Variants in EPB41L4B observed in about 807,000 individuals in gnomAD.
The protein encoded by EPB41L4B is band 4.1-like protein 4B.
A neutral mutation model predicts 112.5 loss-of-function variants in EPB41L4B; 30 were observed. The observed-to-expected ratio is 0.27, with a 90% CI of 0.20 to 0.36. The LOEUF (loss-of-function observed/expected upper bound fraction) is 0.36. Ranked by LOEUF, EPB41L4B falls within the 10% of genes least tolerant of loss-of-function variation. The pLI is 1.00. For synonymous variants in EPB41L4B, 408 were observed against 439.7 expected, an observed-to-expected ratio of 0.93 and a Z score of 0.90; for missense variants, 1,024 against 1,133.3, an observed-to-expected ratio of 0.90 and a Z score of 1.38.
intron 1 of EPB41L4B, among the ~76,000 whole-genome samples, chr9:109,296,124 C>G (rs10979811): frequency 4.6e-5 from 7 of 152,152 alleles, no homozygotes; most frequent in African/African-American, 1.7e-4. Flanking sequence ...AACAAATTCC[C>G]AGGAAATCTA....
At position 109,185,513 on chromosome 9, in the gene EPB41L4B, C is replaced by A; in HGVS notation, c.2394G>T (p.Met798Ile). ...CCAGCCTCGTTTTGATTGGAGGGTA[C>A]ATGCAAACTCCAGTGGTCTCTTCCT... Reference protein sequence around the residue: ...PMKEETTGVCMYPPIKTRLIK... With the variant: ...PMKEETTGVCIYPPIKTRLIK... Residue 798 changes from methionine to isoleucine, a missense_variant, in exon 23 of 26, where the codon ATG becomes ATT. Coordinates refer to ENST00000374566, the MANE Select transcript of EPB41L4B (RefSeq NM_019114.5). 6.2e-7 allele frequency: 1 copy of A among 1,613,956 alleles called. No homozygotes were observed. The highest frequency in any genetic ancestry group is 1.1e-5 in the South Asian group (1 of 91,076).
chr9:109,239,853 C>T (rs761773415), intron 15 of EPB41L4B: 71 of 985,306 alleles, frequency 7.2e-5, no homozygotes, highest in Non-Finnish European at 8.2e-5. Context: ...CAAACACGTA[C>T]CTTTACAGGA....
rs549878330 is a variant in EPB41L4B at position 109,253,393 on chromosome 9, G to A, written c.1279+48C>T. ...GACCAAGCTCCTCGAGGGCTTAAAT[G>A]ACTCAAGCATAATGTAAAATTCCAA... On this transcript the variant is annotated intron_variant, in intron 12 of 25. Transcript: ENST00000374566. 10 of 1,350,322 alleles carry A rather than the reference G, an allele frequency of 7.4e-6. No individual in the cohort carries two copies. In the South Asian group the frequency reaches 1.1e-4, roughly 15 times the overall value. The allele number at this position is 1,350,322 out of a possible 1,614,324, so 83.6% of individuals were successfully genotyped here. A position where few individuals can be genotyped will look rare whatever the true frequency, so the allele number is the denominator to read the frequency against.
intron 16 of EPB41L4B, among the ~76,000 whole-genome samples, chr9:109,215,410 G>A (rs1457888139): frequency 1.3e-5 from 2 of 152,056 alleles, no homozygotes; most frequent in South Asian, 4.2e-4. Flanking sequence ...CTCCCAAGTA[G>A]CCAGGATTAT....
At chr9:109,203,533 T>G (rs1054196754) in intron 19 of EPB41L4B, 130 bp downstream of exon 19, 6 of 737,444 alleles carry the variant, frequency 8.1e-6, no homozygotes, top group South Asian at 2.1e-5. Flanking sequence ...TTTCCATCTC[T>G]TTGGGCTCCT....
At chr9:109,183,549 T>C (rs998470137) in intron 23 of EPB41L4B, among the ~76,000 whole-genome samples, 6 of 152,246 alleles carry the variant, frequency 3.9e-5, no homozygotes, top group Non-Finnish European at 7.3e-5. Context: ...TTGGTCATTT[T>C]GTCTTTGGCC....
At chr9:109,243,529 G>T (rs1834428872) in intron 15 of EPB41L4B, 89 bp downstream of exon 15, 14 of 1,272,952 alleles carry the variant, frequency 1.1e-5, no homozygotes, top group Middle Eastern at 1.9e-4. Context: ...TTCTGATGCA[G>T]ACTTTCTACT....
intron 1 of EPB41L4B, among the ~76,000 whole-genome samples, chr9:109,305,418 A>G (rs1488666418): frequency 6.6e-6 from 1 of 152,192 alleles, no homozygotes; most frequent in Non-Finnish European, 1.5e-5. Context: ...CAGGAGTTCA[A>G]GACCAGCCTG....
chr9:109,194,718 T>C (rs1037176154), intron 20 of EPB41L4B, among the ~76,000 whole-genome samples: 7 of 152,244 alleles, frequency 4.6e-5, no homozygotes, highest in Admixed American at 1.3e-4. Context: ...TGTGCAACCA[T>C]TGCCACTATC....
intron 1 of EPB41L4B, among the ~76,000 whole-genome samples, chr9:109,313,525 G>C (rs76311706): frequency 0.012 from 1,767 of 152,346 alleles, 31 homozygotes; most frequent in African/African-American, 0.04. Context: ...GGGCTGGCGA[G>C]AGTCGAGACT....
At chr9:109,263,571 T>C (rs1220169986) in intron 5 of EPB41L4B, among the ~76,000 whole-genome samples, 1 of 152,240 alleles carries the variant, frequency 6.6e-6, no homozygotes, top group African/African-American at 2.4e-5. Context: ...ACACTCAGCA[T>C]TCTAAGTCTA....
rs2118937830 is a variant in EPB41L4B, at chr9:109,237,553, G to C, written c.1409+6065C>G. ...TAGAGTGGACCGTCTCAAATAAGCA[G>C]TGGTTCATTAAGAATAATGTCCAAT... On this transcript the variant is annotated intron_variant, in intron 15 of 25. Coordinates refer to ENST00000374566, the MANE Select transcript of EPB41L4B (RefSeq NM_019114.5). 1.3e-5 allele frequency among the ~76,000 whole-genome samples: 2 copies of C among 152,312 alleles called. 1 individual carries two copies. The highest frequency in any genetic ancestry group is 4.1e-4 in the South Asian group (2 of 4,832).
chr9:109,297,503 G>A (rs1385719106), intron 1 of EPB41L4B, among the ~76,000 whole-genome samples: 2 of 152,172 alleles, frequency 1.3e-5, no homozygotes, highest in Non-Finnish European at 2.9e-5. Context: ...GTGATAGCAC[G>A]CATTTCCCAC....
rs185354818 is a variant in EPB41L4B, at chr9:109,222,260, T to C, written c.1410-5115A>G. ...ATAGATGAGGGTCAGAGAAGCTGCC[T>C]GAAGCCGCCTGAATCTGCTCAGGTG... On this transcript the variant is annotated intron_variant, in intron 15 of 25. Coordinates refer to ENST00000374566, the MANE Select transcript of EPB41L4B (RefSeq NM_019114.5). Among the ~76,000 whole-genome samples, 459 of 152,312 alleles carry C rather than the reference T, an allele frequency of 3.0e-3. 3 individuals carry two copies. Among genetic ancestry groups the C allele is most frequent in the Non-Finnish European group, 4.5e-3 (305 of 68,028 alleles).
intron 15 of EPB41L4B, chr9:109,240,624 C>T: frequency 1.0e-6 from 1 of 985,376 alleles, no homozygotes; most frequent in South Asian, 4.7e-5. Context: ...ACCTAAAAGA[C>T]AACATATTGA....
intron 1 of EPB41L4B, among the ~76,000 whole-genome samples, chr9:109,282,898 G>T (rs1836122916): frequency 6.6e-6 from 1 of 151,818 alleles, no homozygotes; most frequent in Non-Finnish European, 1.5e-5. Flanking sequence ...GGCCAGGCTG[G>T]TCTCAACTCC....
At chr9:109,300,460 T>A (rs189528962) in intron 1 of EPB41L4B, 1 of 152,158 alleles carries the variant, frequency 6.6e-6, no homozygotes, top group Non-Finnish European at 1.5e-5. Flanking sequence ...TTACTTTACC[T>A]GATATTAACA....
At chr9:109,239,378 C>T (rs1027313586) in intron 15 of EPB41L4B, among the ~76,000 whole-genome samples, 2 of 152,204 alleles carry the variant, frequency 1.3e-5, no homozygotes, top group South Asian at 4.2e-4. Flanking sequence ...TGGAGTTTGA[C>T]GTGTACACAG....
intron 1 of EPB41L4B, among the ~76,000 whole-genome samples, chr9:109,283,473 A>G (rs1836150285): frequency 6.6e-6 from 1 of 152,226 alleles, no homozygotes; most frequent in Admixed American, 6.5e-5. Context: ...AACTGGAGAA[A>G]GGAGGCTGGA....
Sources: allele counts gnomAD v4.1 joint callset (sites outside exome capture counted in the v4.1 genomes callset), GRCh38; gene constraint gnomAD v4.1.1; transcripts MANE v1.5; gene names NCBI Gene and HGNC (gene_info 2026-07-23, HGNC 2026-07-21).